The following RABGAP1 variants were observed in gnomAD, a reference collection of about 807,000 sequenced individuals.
The protein encoded by RABGAP1 is rab GTPase-activating protein 1.
A neutral mutation model predicts 137.6 loss-of-function variants in RABGAP1; 23 were observed. The ratio of observed to expected loss-of-function variants is 0.17; its 90% CI spans 0.12 to 0.24. The LOEUF (loss-of-function observed/expected upper bound fraction) is 0.24, where lower values mean the gene tolerates loss of function less well. RABGAP1 is among the 10% of genes least tolerant of loss of function. The pLI is 1.00. For synonymous variants in RABGAP1, 451 were observed against 450.7 expected (o/e 1.00, Z -0.01); for missense variants, 906 against 1,275.8 (o/e 0.71, Z 4.42).
chr9:122,993,229 T>C (rs775057814), intron 6 of RABGAP1, among the ~76,000 whole-genome samples: 9 of 152,156 alleles, frequency 5.9e-5, no homozygotes, highest in Admixed American at 2.0e-4. Flanking sequence ...ATGAGAATAA[T>C]TAATGCTCTT....
intron 12 of RABGAP1, among the ~76,000 whole-genome samples, chr9:123,018,277 G>A (rs2031382389): frequency 6.6e-6 from 1 of 152,188 alleles, no homozygotes; most frequent in African/African-American, 2.4e-5. Flanking sequence ...GAGAACTAAT[G>A]TCAGTATAAA....
chr9:123,001,138 G>A (rs6478587), intron 10 of RABGAP1, among the ~76,000 whole-genome samples: 16,556 of 152,032 alleles, frequency 0.11, 2,904 homozygotes, highest in African/African-American at 0.37. Context: ...GGGAGCCACC[G>A]CGCCTGGCCC....
intron 2 of RABGAP1, among the ~76,000 whole-genome samples, chr9:122,979,208 C>A (rs1274156737): frequency 1.3e-5 from 2 of 152,132 alleles, no homozygotes; most frequent in African/African-American, 4.8e-5. Context: ...TATAGTCATT[C>A]TTATAAGGGT....
At chr9:122,960,880 CTG>C (rs1834815710) in intron 2 of RABGAP1, among the ~76,000 whole-genome samples, 1 of 152,034 alleles carries the variant, frequency 6.6e-6, no homozygotes, top group Non-Finnish European at 1.5e-5. Flanking sequence ...ATCACAGTAA[CTG>C]AAATGAAAAA....
chr9:123,043,777 C>A (rs916661167), intron 13 of RABGAP1, among the ~76,000 whole-genome samples: 1 of 151,636 alleles, frequency 6.6e-6, no homozygotes, highest in African/African-American at 2.4e-5. Flanking sequence ...TAAAAACAAA[C>A]AGCTTTAAAA....
chr9:122,949,042 G>A (rs1040889548), intron 1 of RABGAP1, among the ~76,000 whole-genome samples: 3 of 152,170 alleles, frequency 2.0e-5, no homozygotes, highest in Non-Finnish European at 4.4e-5. Flanking sequence ...CTCAGTAATT[G>A]CTTCTGGAAT....
intron 6 of RABGAP1, 31 bp downstream of exon 6, chr9:122,990,244 C>T: frequency 6.5e-7 from 1 of 1,542,356 alleles, no homozygotes; most frequent in Non-Finnish European, 8.9e-7. Flanking sequence ...CATGTATTAA[C>T]ATGCTGTGGT....
chr9:122,938,939 CTT>C (rs1209298020), upstream of RABGAP1: 1 of 152,058 alleles, frequency 6.6e-6, no homozygotes, highest in Non-Finnish European at 1.5e-5. Context: ...GAACAAGAAT[CTT>C]TTAATTTTTT....
chr9:123,103,488 G>A lies in RABGAP1; in HGVS notation c.*275G>A. 1.3e-5 allele frequency: 3 copies of A among 234,450 alleles called. No individual in the cohort carries two copies. The highest frequency in any genetic ancestry group is 2.3e-5 in the African/African-American group (1 of 43,480). 14.5% of individuals were successfully genotyped at this position (234,450 alleles called of 1,614,324 possible). A position where few individuals can be genotyped will look rare whatever the true frequency, so the allele number is the denominator to read the frequency against. On this transcript the variant is annotated 3_prime_UTR_variant, in exon 26 of 26. Transcript: ENST00000373647. The stretch of plus-strand genomic sequence containing the variant: ...CCTCCCAGGCCTCTTCCCCGTGTAC[G>A]TCAACACCTCACCCAGCCTAAAGGC...
intron 2 of RABGAP1, among the ~76,000 whole-genome samples, chr9:122,958,181 G>A (rs1024284658): frequency 6.6e-6 from 1 of 152,088 alleles, no homozygotes; most frequent in Non-Finnish European, 1.5e-5. Context: ...GTGGCAAACA[G>A]TTAAAAATAA....
chr9:123,055,820 G>A (rs896007475), intron 13 of RABGAP1, among the ~76,000 whole-genome samples: 7 of 152,228 alleles, frequency 4.6e-5, no homozygotes, highest in Admixed American at 2.0e-4. Context: ...CAGAGTGCTG[G>A]GAGTACAGGC....
At chr9:123,085,495 A>G (rs1280359703) in intron 19 of RABGAP1, among the ~76,000 whole-genome samples, 1 of 152,204 alleles carries the variant, frequency 6.6e-6, no homozygotes, top group Admixed American at 6.5e-5. Context: ...TTTTCCCCCA[A>G]CAAAGTATAT....
At chr9:123,028,192 C>A (rs564514088) in intron 13 of RABGAP1, among the ~76,000 whole-genome samples, 7 of 152,290 alleles carry the variant, frequency 4.6e-5, no homozygotes, top group African/African-American at 1.7e-4. Context: ...CTTGAAAGAT[C>A]TTTCAACTTA....
intron 13 of RABGAP1, among the ~76,000 whole-genome samples, chr9:123,027,963 A>T (rs958608324): frequency 6.6e-6 from 1 of 152,204 alleles, no homozygotes; most frequent in Admixed American, 6.5e-5. Context: ...TTTAAGCCCT[A>T]TATCTTATCC....
intron 13 of RABGAP1, among the ~76,000 whole-genome samples, chr9:123,057,837 G>A (rs1018002252): frequency 1.3e-5 from 2 of 152,216 alleles, no homozygotes; most frequent in African/African-American, 2.4e-5. Flanking sequence ...GATCACTCGC[G>A]GCCAGGAGCT....
intron 19 of RABGAP1, among the ~76,000 whole-genome samples, chr9:123,077,565 A>T (rs1024608684): frequency 6.6e-6 from 1 of 152,074 alleles, no homozygotes; most frequent in Non-Finnish European, 1.5e-5. Flanking sequence ...CAATTTTTTT[A>T]AAAGTAAAAA....
chr9:123,009,723 A>G (rs2030626722), intron 10 of RABGAP1, among the ~76,000 whole-genome samples: 1 of 152,298 alleles, frequency 6.6e-6, no homozygotes, highest in East Asian at 1.9e-4. Flanking sequence ...AAACTAAAAT[A>G]CAATCAGTTG....
chr9:123,048,005 C>T (rs558991949), intron 13 of RABGAP1, among the ~76,000 whole-genome samples: 1 of 134,108 alleles, frequency 7.5e-6, no homozygotes, highest in African/African-American at 2.6e-5. Flanking sequence ...ATGGCGCGAT[C>T]TCGGCCCACT....
intron 3 of RABGAP1, 107 bp from the exon 4 acceptor site, chr9:122,986,108 T>G: frequency 1.0e-6 from 1 of 977,982 alleles, no homozygotes; most frequent in Middle Eastern, 3.0e-4. Context: ...GTCTCATTAA[T>G]ACTTAATTTT....
Sources: allele counts gnomAD v4.1 joint callset (sites outside exome capture counted in the v4.1 genomes callset), GRCh38; gene constraint gnomAD v4.1.1; transcripts MANE v1.5; gene names NCBI Gene and HGNC (gene_info 2026-07-23, HGNC 2026-07-21).